The following NOS1 variants were observed in gnomAD, a reference collection of about 807,000 sequenced individuals.
NOS1 encodes the protein nitric oxide synthase 1.
Under a neutral mutation model 164.5 loss-of-function variants are expected in NOS1, and 51 were observed. The ratio of observed to expected loss-of-function variants is 0.31; its 90% CI spans 0.25 to 0.39. The LOEUF is 0.39. Ranked by LOEUF, NOS1 falls within the 10% of genes least tolerant of loss-of-function variation. The pLI is 1.00. For missense variants in NOS1, 1,362 were observed against 1,885.6 expected (o/e 0.72, Z 5.14); for synonymous variants, 719 against 745.8 (o/e 0.96, Z 0.59).
chr12:117,229,670 C>T (rs973310480), intron 22 of NOS1, among the ~76,000 whole-genome samples: 1 of 151,308 alleles, frequency 6.6e-6, no homozygotes, highest in East Asian at 1.9e-4. Context: ...CTCACTGCAA[C>T]CTCCGTCTCC....
In NOS1 at chr12:117,243,511, A is replaced by G. The variant is rs1870355707; in HGVS notation, c.2824-76T>C. 1 of 1,531,324 alleles carries G rather than the reference A, an allele frequency of 6.5e-7. No individual in the cohort carries two copies. Among genetic ancestry groups the G allele is most frequent in the Non-Finnish European group, 8.9e-7 (1 of 1,121,874 alleles). 94.9% of individuals were successfully genotyped at this position (1,531,324 alleles called of 1,614,324 possible). A position where few individuals can be genotyped will look rare whatever the true frequency, so the allele number is the denominator to read the frequency against. ...CTCTCCAACAGCTCCAAGTCATGGC[A>G]TGTATCTCTTCATTCACCCATCCAT... is the stretch of plus-strand genomic sequence containing the variant. On this transcript the variant is annotated intron_variant, in intron 18 of 28. Transcript: ENST00000317775. The surrounding 1 kb of genome is among the most constrained non-coding windows in gnomAD (Gnocchi z 4.3).
intron 16 of NOS1, among the ~76,000 whole-genome samples, chr12:117,254,795 C>T (rs2135970482): frequency 6.6e-6 from 1 of 152,242 alleles, no homozygotes; most frequent in East Asian, 1.9e-4. Flanking sequence ...TAGTGGACAG[C>T]ACAGATATAG....
At chr12:117,324,300 A>C (rs1875131794) in intron 2 of NOS1, among the ~76,000 whole-genome samples, 1 of 152,142 alleles carries the variant, frequency 6.6e-6, no homozygotes, top group Non-Finnish European at 1.5e-5. Context: ...TACAAGAGGG[A>C]GGGGTTATCA....
intron 1 of NOS1, among the ~76,000 whole-genome samples, chr12:117,340,039 T>C (rs1017227983): frequency 6.6e-6 from 1 of 152,172 alleles, no homozygotes; most frequent in East Asian, 1.9e-4. Context: ...GGGTCTCGCT[T>C]TGTTGCCCAG....
chr12:117,335,830 T>A (rs1875794212), intron 1 of NOS1, among the ~76,000 whole-genome samples: 1 of 150,118 alleles, frequency 6.7e-6, no homozygotes, highest in East Asian at 2.0e-4. Context: ...GTGATCCTCT[T>A]GCCTTAGTCT....
In NOS1 at chr12:117,256,010, G is replaced by T. The variant is rs78210735; in HGVS notation, c.2532-2256C>A. ...CATTGGGGAGGGGAGGCCCTTTACG[G>T]GGAAAGAAACGCAAGGGTTCCGGGT... is the stretch of plus-strand genomic sequence containing the variant. On this transcript the variant is annotated intron_variant, in intron 16 of 28. Transcript: ENST00000317775. The T allele has an allele frequency of 4.9e-4, 714 of 1,467,702 alleles. 5 individuals carry two copies. The East Asian group carries it at 0.016, about 34-fold the overall frequency. The allele number at this position is 1,467,702 out of a possible 1,614,324, so 90.9% of individuals were successfully genotyped here. A position where few individuals can be genotyped will look rare whatever the true frequency, so the allele number is the denominator to read the frequency against.
intron 18 of NOS1, among the ~76,000 whole-genome samples, chr12:117,245,230 G>GTAT (rs1870529418): frequency 6.6e-6 from 1 of 152,158 alleles, no homozygotes; most frequent in African/African-American, 2.4e-5. Context: ...TGAGGAGAAT[G>GTAT]TATTCCAAGG....
rs746543323 is a variant in NOS1 at position 117,265,424 on chromosome 12, G to GC, written c.2027dup (p.Cys677LeufsTer38). The GC allele has an allele frequency of 1.9e-5, 30 of 1,591,988 alleles. No individual in the cohort carries two copies. The highest frequency in any genetic ancestry group is 6.8e-5 in the East Asian group (3 of 43,930). On this transcript the variant is annotated frameshift_variant, in exon 12 of 29. Transcript: ENST00000317775. LOFTEE classifies it high-confidence loss of function. Reference sequence around the variant, plus strand: ...CGATCCACACCCAGTCGGCAGGGCAGCCCCCCCGGCAGCGGTACTCATTCT... The same window carrying GC: ...CGATCCACACCCAGTCGGCAGGGCAGCCCCCCCCGGCAGCGGTACTCATTCT...
At chr12:117,288,025 C>T in intron 5 of NOS1, 49 bp downstream of exon 5, 1 of 1,607,766 alleles carries the variant, frequency 6.2e-7, no homozygotes, top group Non-Finnish European at 8.5e-7. Context: ...TCTTTCTCTC[C>T]AGCATTCGAT....
chr12:117,210,700 C>T lies in NOS1; in HGVS notation c.*4609G>A. 1.0e-6 allele frequency: 1 copy of T among 985,426 alleles called. No homozygotes were observed. The highest frequency in any genetic ancestry group is 1.2e-6 in the Non-Finnish European group (1 of 829,958). The allele number at this position is 985,426 out of a possible 1,614,324, so 61.0% of individuals were successfully genotyped here. A position where few individuals can be genotyped will look rare whatever the true frequency, so the allele number is the denominator to read the frequency against. ...GTTTTGAGCTTAGGGCAAGACCTGA[C>T]CTCTTTCAAAGTCCAGAGCAGGCAG... On this transcript the variant is annotated 3_prime_UTR_variant, in exon 29 of 29. Coordinates refer to ENST00000317775, the MANE Select transcript of NOS1 (RefSeq NM_000620.5).
intron 1 of NOS1, among the ~76,000 whole-genome samples, chr12:117,353,033 T>TATCC (rs149359263): frequency 7.2e-5 from 11 of 151,930 alleles, no homozygotes; most frequent in African/African-American, 1.9e-4. Flanking sequence ...TCCATCCATC[T>TATCC]ATCCATCCAT....
Position 117,209,457 on chromosome 12 carries a change from T to C in NOS1, c.*5852A>G. The C allele has an allele frequency of 1.0e-6, 1 of 985,480 alleles. No homozygotes were observed. Among genetic ancestry groups the C allele is most frequent in the Non-Finnish European group, 1.2e-6 (1 of 829,946 alleles). 61.0% of individuals were successfully genotyped at this position (985,480 alleles called of 1,614,324 possible). On this transcript the variant is annotated 3_prime_UTR_variant, in exon 29 of 29. Coordinates refer to ENST00000317775, the MANE Select transcript of NOS1 (RefSeq NM_000620.5). ...TAGGAGTCAAATCTGGGCACTTCGA[T>C]GTCCTGGAGTTACTTTCTAAAAGAC...
intron 1 of NOS1, among the ~76,000 whole-genome samples, chr12:117,343,424 A>G (rs988265779): frequency 9.2e-5 from 14 of 152,236 alleles, no homozygotes; most frequent in African/African-American, 3.1e-4. Flanking sequence ...CGTCATTTCC[A>G]TAATTCTGAG....
At chr12:117,276,519 G>T (rs1873195065) in intron 9 of NOS1, among the ~76,000 whole-genome samples, 1 of 152,152 alleles carries the variant, frequency 6.6e-6, no homozygotes, top group Non-Finnish European at 1.5e-5. Flanking sequence ...TTGACCTCAG[G>T]TGATCCTTCT....
At chr12:117,269,251 G>A (rs1289374744) in intron 10 of NOS1, among the ~76,000 whole-genome samples, 1 of 152,120 alleles carries the variant, frequency 6.6e-6, no homozygotes, top group African/African-American at 2.4e-5. Flanking sequence ...TCTAGGCAGA[G>A]GGGGCAGCAA....
chr12:117,246,655 C>T (rs907959418), intron 18 of NOS1, among the ~76,000 whole-genome samples: 3 of 152,136 alleles, frequency 2.0e-5, no homozygotes, highest in Non-Finnish European at 2.9e-5. Context: ...TAACCCCTAG[C>T]AACCACTAAC....
chr12:117,319,358 T>C (rs865806943), intron 2 of NOS1, among the ~76,000 whole-genome samples: 3 of 152,230 alleles, frequency 2.0e-5, no homozygotes, highest in Non-Finnish European at 1.5e-5. Context: ...GCCAAAAGTA[T>C]GCTTTCAAGA....
intron 3 of NOS1, among the ~76,000 whole-genome samples, chr12:117,299,151 A>G (rs1252539435): frequency 3.3e-5 from 5 of 152,254 alleles, no homozygotes; most frequent in South Asian, 4.1e-4. Context: ...TAACCTGGTT[A>G]CAAGCTGGGA....
At chr12:117,298,080 TTATTA>T (rs1345333796) in intron 3 of NOS1, among the ~76,000 whole-genome samples, 1 of 152,020 alleles carries the variant, frequency 6.6e-6, no homozygotes, top group Non-Finnish European at 1.5e-5. Context: ...ATTTCTATTA[TTATTA>T]TATTATAATA....
Sources: allele counts gnomAD v4.1 joint callset (sites outside exome capture counted in the v4.1 genomes callset), GRCh38; gene constraint gnomAD v4.1.1; non-coding constraint Gnocchi (gnomAD v3.1); transcripts MANE v1.5; gene names NCBI Gene and HGNC (gene_info 2026-07-23, HGNC 2026-07-21).